CFAP90: variants seen among roughly 807,000 people sequenced by gnomAD.
CFAP90 encodes cilia and flagella associated protein 90.
chr5:7,850,745 G>A, the CFAP90 span: 1 of 974,726 alleles, frequency 1.0e-6, no homozygotes, highest in East Asian at 3.6e-5. Context: ...TTCCGCTGGG[G>A]TGATCCCTTC....
At chr5:7,833,605 A>C in the CFAP90 span, among the ~76,000 whole-genome samples, 1 of 152,100 alleles carries the variant, frequency 6.6e-6, no homozygotes, top group Non-Finnish European at 1.5e-5. Flanking sequence ...ACAAATATAC[A>C]TATCTGTACA....
chr5:7,850,971 G>A, the CFAP90 span: 6 of 1,317,120 alleles, frequency 4.6e-6, no homozygotes, highest in Non-Finnish European at 2.9e-6. Context: ...GCGGCGGCCT[G>A]GGCTTGCCCC....
chr5:7,833,277 G>GCA, the CFAP90 span, among the ~76,000 whole-genome samples: 2 of 151,762 alleles, frequency 1.3e-5, no homozygotes, highest in Admixed American at 6.6e-5. Flanking sequence ...ATGTGTATAT[G>GCA]CACACACACA....
At chr5:7,839,004 G>A in the CFAP90 span, among the ~76,000 whole-genome samples, 1 of 152,312 alleles carries the variant, frequency 6.6e-6, no homozygotes, top group South Asian at 2.1e-4. Flanking sequence ...GAGGTTTAAT[G>A]GACTTATAGT....
At chr5:7,832,142 G>T in the CFAP90 span, 1 of 1,041,834 alleles carries the variant, frequency 9.6e-7, no homozygotes, top group Non-Finnish European at 1.4e-6. Flanking sequence ...GTCCCACCAT[G>T]GTAGACCAAG....
chr5:7,845,263 T>C, the CFAP90 span, among the ~76,000 whole-genome samples: 2 of 152,230 alleles, frequency 1.3e-5, no homozygotes, highest in African/African-American at 2.4e-5. Context: ...GGGGTTACAA[T>C]TGGAGATGAG....
chr5:7,850,805 C>T, the CFAP90 span: 1 of 835,946 alleles, frequency 1.2e-6, no homozygotes, highest in African/African-American at 2.2e-5. Flanking sequence ...CCCAGCCGCC[C>T]AGCCGCCCAG....
At chr5:7,835,014 G>A in the CFAP90 span, among the ~76,000 whole-genome samples, 6 of 152,064 alleles carry the variant, frequency 3.9e-5, no homozygotes, top group South Asian at 2.1e-4. Flanking sequence ...TCTAAACCAC[G>A]GCAATAAATA....
the CFAP90 span, among the ~76,000 whole-genome samples, chr5:7,832,985 T>C: frequency 6.6e-6 from 1 of 152,234 alleles, no homozygotes; most frequent in African/African-American, 2.4e-5. Flanking sequence ...CAATTTCTGC[T>C]CCGCAAGACC....
the CFAP90 span, among the ~76,000 whole-genome samples, chr5:7,838,338 AC>A: frequency 1.3e-5 from 2 of 148,604 alleles, no homozygotes; most frequent in South Asian, 2.1e-4. Flanking sequence ...TTTAAAAAAA[AC>A]ATTTTAAGAC....
the CFAP90 span, among the ~76,000 whole-genome samples, chr5:7,833,787 G>A: frequency 6.6e-6 from 1 of 152,116 alleles, no homozygotes; most frequent in Admixed American, 6.5e-5. Context: ...AAAAGTAATT[G>A]CTGTTTTTGC....
the CFAP90 span, among the ~76,000 whole-genome samples, chr5:7,850,679 A>C: frequency 3.0e-5 from 2 of 66,872 alleles, no homozygotes; most frequent in African/African-American, 6.0e-5. Context: ...CCCTTTCCCT[A>C]AGGTGAACCC....
At chr5:7,835,919 C>T in the CFAP90 span, among the ~76,000 whole-genome samples, 2 of 152,192 alleles carry the variant, frequency 1.3e-5, no homozygotes, top group African/African-American at 4.8e-5. Flanking sequence ...GTATTTCTCA[C>T]AGTCCTGGAG....
the CFAP90 span, among the ~76,000 whole-genome samples, chr5:7,841,476 T>C: frequency 6.6e-6 from 1 of 152,100 alleles, no homozygotes; most frequent in African/African-American, 2.4e-5. Flanking sequence ...CATTACTGAG[T>C]ATATACCCAA....
the CFAP90 span, among the ~76,000 whole-genome samples, chr5:7,837,958 C>A: frequency 6.6e-6 from 1 of 152,282 alleles, no homozygotes; most frequent in African/African-American, 2.4e-5. Flanking sequence ...TCACCAGACA[C>A]AAGCATCTCT....
the CFAP90 span, chr5:7,831,909 T>C: frequency 1.9e-6 from 3 of 1,614,010 alleles, no homozygotes; most frequent in African/African-American, 4.0e-5. Context: ...TCGTTCTTCC[T>C]GTAGAAGTCA....
At chr5:7,836,893 G>A in the CFAP90 span, among the ~76,000 whole-genome samples, 1 of 152,116 alleles carries the variant, frequency 6.6e-6, no homozygotes, top group Non-Finnish European at 1.5e-5. Flanking sequence ...GTGGGGGTAG[G>A]GGGTGGTCAG....
the CFAP90 span, among the ~76,000 whole-genome samples, chr5:7,834,917 TAAGC>T: frequency 2.0e-5 from 3 of 152,062 alleles, no homozygotes; most frequent in African/African-American, 4.8e-5. Context: ...TCCCTGTTGT[TAAGC>T]AAGGCATGAC....
the CFAP90 span, among the ~76,000 whole-genome samples, chr5:7,845,367 G>C: frequency 6.6e-6 from 1 of 152,158 alleles, no homozygotes; most frequent in Admixed American, 6.5e-5. Context: ...GCTCAGGGAG[G>C]TAGAGTCCTT....
Sources: allele counts gnomAD v4.1 joint callset (sites outside exome capture counted in the v4.1 genomes callset), GRCh38; gene constraint gnomAD v4.1.1; transcripts MANE v1.5; gene names NCBI Gene and HGNC (gene_info 2026-07-23, HGNC 2026-07-21).